The following ALDH1A2 variants were observed in gnomAD, a reference collection of about 807,000 sequenced individuals.
ALDH1A2 encodes retinal dehydrogenase 2.
A neutral mutation model predicts 60.3 loss-of-function variants in ALDH1A2; 27 were observed. That is an observed-to-expected ratio of 0.45 (90% CI 0.33 to 0.62). The LOEUF (loss-of-function observed/expected upper bound fraction) is 0.62. Among genes scored for constraint, ALDH1A2 ranks in the 20% least tolerant of loss-of-function variants. The probability of loss-of-function intolerance (pLI) is 0.02; values close to 1 mark genes in which losing one functional copy is unlikely to be tolerated. For missense variants in ALDH1A2, 581 were observed against 643.8 expected (o/e 0.90, Z 1.06); for synonymous variants, 289 against 232.4 (o/e 1.24, Z -2.21).
At chr15:58,011,629 G>C (rs1405608596) in intron 3 of ALDH1A2, among the ~76,000 whole-genome samples, 1 of 151,972 alleles carries the variant, frequency 6.6e-6, no homozygotes, top group Non-Finnish European at 1.5e-5. Context: ...AAAATTATTT[G>C]ATCTCTGACA....
chr15:58,000,294 A>T (rs1355225357), intron 4 of ALDH1A2, among the ~76,000 whole-genome samples: 1 of 151,902 alleles, frequency 6.6e-6, no homozygotes, highest in Non-Finnish European at 1.5e-5. Flanking sequence ...GGGGTGCCTG[A>T]CAAACACAAG....
chr15:58,022,844 C>T (rs1328460084), intron 1 of ALDH1A2, among the ~76,000 whole-genome samples: 1 of 152,118 alleles, frequency 6.6e-6, no homozygotes, highest in East Asian at 1.9e-4. Flanking sequence ...ACCATATATA[C>T]ACCTTCAGGA....
intron 7 of ALDH1A2, among the ~76,000 whole-genome samples, chr15:57,982,357 T>C (rs1200993542): frequency 6.6e-6 from 1 of 152,208 alleles, no homozygotes; most frequent in Non-Finnish European, 1.5e-5. Context: ...TTAATCTTGA[T>C]TCCTTTAGTA....
chr15:57,962,509 T>C lies in ALDH1A2; in HGVS notation c.1087-333A>G, dbSNP rs541619657. ...AATGTTCATATGAGGGAAAATTGAC[T>C]TTTATAATTAAATGAGTAACTTAGC... On this transcript the variant is annotated intron_variant, in intron 9 of 12. Transcript: ENST00000249750. 2.0e-5 allele frequency among the ~76,000 whole-genome samples: 3 copies of C among 152,346 alleles called. No individual in the cohort carries two copies. The East Asian group carries it at 5.8e-4, about 29-fold the overall frequency.
At chr15:58,063,088 A>G (rs1419786803) in intron 1 of ALDH1A2, among the ~76,000 whole-genome samples, 2 of 152,230 alleles carry the variant, frequency 1.3e-5, no homozygotes, top group African/African-American at 2.4e-5. Context: ...TCACAAGTAC[A>G]AAGTTTTCTA....
Position 58,009,768 on chromosome 15 carries a change from A to T in ALDH1A2, c.493+881T>A, listed in dbSNP as rs34637355. On this transcript the variant is annotated intron_variant, in intron 4 of 12. Transcript: ENST00000249750. ...AAAGTTTTAGCTCTAAAACTTATTTACTCTGTGAATTAGGAAAACTAATTT... is the reference window on the plus strand; with the variant it reads ...AAAGTTTTAGCTCTAAAACTTATTTTCTCTGTGAATTAGGAAAACTAATTT... Among the ~76,000 whole-genome samples the T allele has an allele frequency of 7.2e-5, 11 of 152,066 alleles. No individual in the cohort carries two copies. In the East Asian group the frequency reaches 1.2e-3, roughly 16 times the overall value.
chr15:57,994,644 C>T lies in ALDH1A2; in HGVS notation c.555+434G>A, dbSNP rs35891063. Among the ~76,000 whole-genome samples, 1,215 of 152,178 alleles carry T rather than the reference C, an allele frequency of 8.0e-3. 19 individuals carry two copies. Among genetic ancestry groups the T allele is most frequent in the African/African-American group, 0.027 (1,106 of 41,526 alleles). On this transcript the variant is annotated intron_variant, in intron 5 of 12. Transcript: ENST00000249750. ...AACTGTAGTGCTGTGTCTTCTGTAG[C>T]ATCTTCTATCTAGATTCTTGAGAAA...
At chr15:58,047,626 GA>G (rs1395060244) in intron 1 of ALDH1A2, among the ~76,000 whole-genome samples, 2 of 151,822 alleles carry the variant, frequency 1.3e-5, no homozygotes, top group East Asian at 1.9e-4. Flanking sequence ...TTTTAACTTT[GA>G]AAAAAATTAG....
intron 1 of ALDH1A2, among the ~76,000 whole-genome samples, chr15:58,038,164 T>C (rs925389467): frequency 5.9e-5 from 9 of 151,642 alleles, no homozygotes; most frequent in African/African-American, 2.2e-4. Flanking sequence ...CTTATCTCTT[T>C]CAACAGTATT....
rs146570085 is a variant in ALDH1A2, at chr15:57,959,145, T to C, written c.1484+1625A>G. ...GGGTCCATCAACCAGCGATCATTTA[T>C]TGAAAGTATATTTTATGCTCATGAT... On this transcript the variant is annotated intron_variant, in intron 12 of 12. Transcript: ENST00000249750. 3.6e-3 allele frequency among the ~76,000 whole-genome samples: 548 copies of C among 152,276 alleles called. 4 individuals are homozygous for C. The highest frequency in any genetic ancestry group is 4.4e-3 in the Non-Finnish European group (300 of 68,012).
chr15:58,032,818 G>A (rs1296133833), intron 1 of ALDH1A2, among the ~76,000 whole-genome samples: 12 of 150,488 alleles, frequency 8.0e-5, no homozygotes, highest in African/African-American at 2.9e-4. Flanking sequence ...ACACACACGT[G>A]CGTACCCAAC....
chr15:58,040,769 A>G (rs1896501456), intron 1 of ALDH1A2, among the ~76,000 whole-genome samples: 1 of 151,932 alleles, frequency 6.6e-6, no homozygotes, highest in Non-Finnish European at 1.5e-5. Flanking sequence ...TGAGCAAGAG[A>G]ATAATAATAA....
At chr15:57,986,372 C>T (rs1470717904) in intron 7 of ALDH1A2, among the ~76,000 whole-genome samples, 2 of 151,868 alleles carry the variant, frequency 1.3e-5, no homozygotes, top group South Asian at 2.1e-4. Context: ...AGAAGGATTT[C>T]AGCTTATTAA....
intron 7 of ALDH1A2, among the ~76,000 whole-genome samples, chr15:57,973,391 T>G (rs1894134823): frequency 1.3e-5 from 2 of 151,730 alleles, no homozygotes; most frequent in East Asian, 1.9e-4. Context: ...CAAATAAGCT[T>G]CTTCTTGTTA....
chr15:57,954,944 A>G lies in ALDH1A2; in HGVS notation c.*253T>C. On this transcript the variant is annotated 3_prime_UTR_variant, in exon 13 of 13. Coordinates refer to ENST00000249750, the MANE Select transcript of ALDH1A2 (RefSeq NM_003888.4). ...GAAGGAGATACTGGATGTGTCTGCT[A>G]GCTCCTCCTCCTCCCTTTATCCCAC... 1.8e-6 allele frequency: 1 copy of G among 569,016 alleles called. No homozygotes were observed. The highest frequency in any genetic ancestry group is 3.2e-6 in the Non-Finnish European group (1 of 317,052). 35.2% of individuals were successfully genotyped at this position (569,016 alleles called of 1,614,324 possible).
At chr15:58,033,093 T>A (rs943691467) in intron 1 of ALDH1A2, among the ~76,000 whole-genome samples, 1 of 151,942 alleles carries the variant, frequency 6.6e-6, no homozygotes, top group African/African-American at 2.4e-5. Flanking sequence ...AATAAATTCA[T>A]TGTTTGATAG....
At chr15:58,005,134 T>C (rs74018804) in intron 4 of ALDH1A2, among the ~76,000 whole-genome samples, 214 of 151,934 alleles carry the variant, frequency 1.4e-3, no homozygotes, top group African/African-American at 4.9e-3. Flanking sequence ...TAACTCATGG[T>C]ACTCTCCTCC....
At chr15:58,052,057 G>A (rs112434104) in intron 1 of ALDH1A2, among the ~76,000 whole-genome samples, 136 of 152,206 alleles carry the variant, frequency 8.9e-4, no homozygotes, top group African/African-American at 3.0e-3. Flanking sequence ...TTCTAATATG[G>A]TAAGTCCTTA....
In ALDH1A2 at chr15:58,012,879, G is replaced by A. The variant is rs113036281; in HGVS notation, c.363+979C>T. On this transcript the variant is annotated intron_variant, in intron 3 of 12. Coordinates refer to ENST00000249750, the MANE Select transcript of ALDH1A2 (RefSeq NM_003888.4). Reference sequence around the variant, plus strand: ...GGAAAGGATATAGTACTCATGGCTTGAATGCCCTGACTGAACAAGGAAACC... The same window carrying A: ...GGAAAGGATATAGTACTCATGGCTTAAATGCCCTGACTGAACAAGGAAACC... Among the ~76,000 whole-genome samples, 9 of 152,278 alleles carry A rather than the reference G, an allele frequency of 5.9e-5. 1 individual carries two copies. Among genetic ancestry groups the A allele is most frequent in the African/African-American group, 2.2e-4 (9 of 41,564 alleles).
Sources: allele counts gnomAD v4.1 joint callset (sites outside exome capture counted in the v4.1 genomes callset), GRCh38; gene constraint gnomAD v4.1.1; transcripts MANE v1.5; gene names NCBI Gene and HGNC (gene_info 2026-07-23, HGNC 2026-07-21).